RGS12: variants seen among roughly 807,000 people sequenced by gnomAD.
The protein encoded by RGS12 is regulator of G-protein signaling 12.
Under a neutral mutation model 120.1 loss-of-function variants are expected in RGS12, and 66 were observed. That is an observed-to-expected ratio of 0.55 (90% CI 0.45 to 0.67). The LOEUF (loss-of-function observed/expected upper bound fraction) is 0.67. RGS12 is among the 30% of genes least tolerant of loss of function. The pLI is 0.00. For synonymous variants in RGS12, 827 were observed against 804.7 expected (o/e 1.03, Z -0.47); for missense variants, 1,859 against 1,957.7 (o/e 0.95, Z 0.95).
At chr4:3,344,735 A>C (rs1713631962) in intron 3 of RGS12, among the ~76,000 whole-genome samples, 1 of 152,244 alleles carries the variant, frequency 6.6e-6, no homozygotes, top group South Asian at 2.1e-4. Flanking sequence ...CATCTCCACC[A>C]GGGCCCTGCT....
chr4:3,394,840 A>T (rs1362738701), intron 4 of RGS12, among the ~76,000 whole-genome samples: 1 of 151,732 alleles, frequency 6.6e-6, no homozygotes, highest in African/African-American at 2.4e-5. Context: ...GGGACCTCTC[A>T]CCCGACGGCT....
chr4:3,373,664 C>T (rs565964159), intron 3 of RGS12, among the ~76,000 whole-genome samples: 4 of 152,296 alleles, frequency 2.6e-5, no homozygotes, highest in South Asian at 4.1e-4. Context: ...GTGCTGTGGC[C>T]GTGTGCCTGG....
chr4:3,320,763 T>G (rs1200700573), intron 2 of RGS12, among the ~76,000 whole-genome samples: 1 of 152,110 alleles, frequency 6.6e-6, no homozygotes, highest in African/African-American at 2.4e-5. Flanking sequence ...AGCAGAAGCT[T>G]CCAGGGGTCA....
chr4:3,422,096 G>C (rs1242091749), intron 10 of RGS12, among the ~76,000 whole-genome samples: 1 of 152,226 alleles, frequency 6.6e-6, no homozygotes, highest in African/African-American at 2.4e-5. Flanking sequence ...CCCTGCTTCT[G>C]GGTGGAGAAG....
At chr4:3,382,958 TA>T (rs1718423462) in intron 3 of RGS12, among the ~76,000 whole-genome samples, 1 of 152,148 alleles carries the variant, frequency 6.6e-6, no homozygotes, top group Non-Finnish European at 1.5e-5. Flanking sequence ...TCTCTGCTGA[TA>T]CCCACTCATG....
At chr4:3,346,770 C>T (rs1713834361) in intron 3 of RGS12, among the ~76,000 whole-genome samples, 1 of 152,212 alleles carries the variant, frequency 6.6e-6, no homozygotes, top group Non-Finnish European at 1.5e-5. Flanking sequence ...TTAACAACCT[C>T]CTGAGGCTGG....
At chr4:3,348,325 T>G (rs1343248312) in intron 3 of RGS12, among the ~76,000 whole-genome samples, 1 of 152,112 alleles carries the variant, frequency 6.6e-6, no homozygotes, top group Non-Finnish European at 1.5e-5. Context: ...AATAAAAAAC[T>G]TAATAAAGAC....
chr4:3,409,255 T>A (rs1314478359), intron 4 of RGS12, among the ~76,000 whole-genome samples: 1 of 152,148 alleles, frequency 6.6e-6, no homozygotes, highest in Non-Finnish European at 1.5e-5. Flanking sequence ...AGGAGCACAC[T>A]GGGGAGGGAA....
chr4:3,321,721 T>G (rs1196509656), intron 2 of RGS12, among the ~76,000 whole-genome samples: 1 of 152,120 alleles, frequency 6.6e-6, no homozygotes, highest in Non-Finnish European at 1.5e-5. Context: ...CTCCCCCCAG[T>G]GGACTGCAGG....
In RGS12 at chr4:3,389,210, T is replaced by G. The variant is rs1164530136; in HGVS notation, c.2020+2773T>G. On this transcript the variant is annotated intron_variant, in intron 4 of 17. Coordinates refer to ENST00000336727, the MANE Select transcript of RGS12 (RefSeq NM_001394154.1). The surrounding 1 kb of genome is among the most constrained non-coding windows in gnomAD (Gnocchi z 5.2). ...AGTTGGAGTGTGTTTTTTCACTTTT[T>G]CAGAAGAAAGGGGCTGATAATGGCC... 6.6e-6 allele frequency among the ~76,000 whole-genome samples: 1 copy of G among 152,120 alleles called. No homozygotes were observed. Among genetic ancestry groups the G allele is most frequent in the South Asian group, 2.1e-4 (1 of 4,818 alleles).
chr4:3,362,455 T>G (rs1715675724), intron 3 of RGS12, among the ~76,000 whole-genome samples: 1 of 142,290 alleles, frequency 7.0e-6, no homozygotes, highest in Non-Finnish European at 1.5e-5. Flanking sequence ...TGTGTGAGGG[T>G]GCGAGGGTGT....
intron 3 of RGS12, among the ~76,000 whole-genome samples, chr4:3,352,738 GGTT>G (rs1714482707): frequency 6.6e-6 from 1 of 152,188 alleles, no homozygotes; most frequent in African/African-American, 2.4e-5. Flanking sequence ...ATGTGTGTAA[GGTT>G]GTTTGGCCTT....
chr4:3,436,048 T>A (rs769186416), intron 17 of RGS12, among the ~76,000 whole-genome samples: 1 of 152,102 alleles, frequency 6.6e-6, no homozygotes, highest in East Asian at 1.9e-4. Context: ...CAGCAAATAT[T>A]TGAGGAGCTC....
chr4:3,311,316 C>G (rs935441445), intron 1 of RGS12, among the ~76,000 whole-genome samples: 2 of 152,186 alleles, frequency 1.3e-5, no homozygotes, highest in Non-Finnish European at 2.9e-5. Context: ...ACCTGCAGGT[C>G]TTGGGTGCTG....
At chr4:3,339,266 G>T (rs1712804128) in intron 2 of RGS12, among the ~76,000 whole-genome samples, 2 of 152,248 alleles carry the variant, frequency 1.3e-5, no homozygotes, top group South Asian at 4.2e-4. Flanking sequence ...GTGATTGCTT[G>T]AGCCCAGGAG....
chr4:3,323,544 T>A (rs1725347424), intron 2 of RGS12, among the ~76,000 whole-genome samples: 1 of 152,254 alleles, frequency 6.6e-6, no homozygotes, highest in Admixed American at 6.5e-5. Flanking sequence ...AAATTTCTCA[T>A]GTACATAGTT....
intron 16 of RGS12, 50 bp downstream of exon 16, chr4:3,428,761 T>C (rs1173284688): frequency 2.0e-6 from 3 of 1,492,996 alleles, no homozygotes; most frequent in Non-Finnish European, 2.7e-6. Context: ...GCACAGTTAG[T>C]TTCCAGTATA....
intron 17 of RGS12, among the ~76,000 whole-genome samples, chr4:3,434,139 G>A (rs1413003937): frequency 1.3e-5 from 2 of 152,190 alleles, no homozygotes; most frequent in East Asian, 3.9e-4. Flanking sequence ...CATGGCTGGG[G>A]AAGCCTCAGG....
chr4:3,369,561 G>A (rs1716751228), intron 3 of RGS12, among the ~76,000 whole-genome samples: 1 of 152,206 alleles, frequency 6.6e-6, no homozygotes, highest in South Asian at 2.1e-4. Context: ...GAGCCCATTA[G>A]GACGAGACTC....
Sources: allele counts gnomAD v4.1 joint callset (sites outside exome capture counted in the v4.1 genomes callset), GRCh38; gene constraint gnomAD v4.1.1; non-coding constraint Gnocchi (gnomAD v3.1); transcripts MANE v1.5; gene names NCBI Gene and HGNC (gene_info 2026-07-23, HGNC 2026-07-21).